LRRC4C: variants seen among roughly 807,000 people sequenced by gnomAD.
LRRC4C encodes leucine rich repeat containing 4C, also known as leucine-rich repeat-containing protein 4C.
LRRC4C carries 5 observed loss-of-function variants against 33.6 expected under a neutral mutation model. The observed-to-expected ratio is 0.15, with a 90% CI of 0.08 to 0.31. The LOEUF (loss-of-function observed/expected upper bound fraction) is 0.31. LRRC4C is among the 10% of genes least tolerant of loss of function. The pLI, the probability that LRRC4C is intolerant of heterozygous loss-of-function variation, is 1.00. For synonymous variants in LRRC4C, 329 were observed against 302.0 expected, an observed-to-expected ratio of 1.09 and a Z score of -0.93; for missense variants, 560 against 796.7, an observed-to-expected ratio of 0.70 and a Z score of 3.58.
chr11:40,698,180 A>G (rs1254276748), intron 2 of LRRC4C, among the ~76,000 whole-genome samples: 1 of 152,146 alleles, frequency 6.6e-6, no homozygotes, highest in Non-Finnish European at 1.5e-5. Context: ...GAACATTTAA[A>G]AATTGCTTTT....
chr11:40,858,836 A>G (rs1953935319), intron 2 of LRRC4C, among the ~76,000 whole-genome samples: 1 of 152,190 alleles, frequency 6.6e-6, no homozygotes, highest in Admixed American at 6.5e-5. Flanking sequence ...TCAACCAACA[A>G]AAGCCATTGT....
chr11:41,387,472 A>C (rs190017780), intron 1 of LRRC4C, among the ~76,000 whole-genome samples: 1 of 151,846 alleles, frequency 6.6e-6, no homozygotes, highest in Admixed American at 6.6e-5. Context: ...GAGAAGTCCA[A>C]GAAGAAAATA....
chr11:40,600,373 A>G (rs765065575), intron 3 of LRRC4C, among the ~76,000 whole-genome samples: 38 of 152,218 alleles, frequency 2.5e-4, no homozygotes, highest in Admixed American at 2.6e-4. Context: ...CAAAGTAACA[A>G]ATGAATTGTA....
chr11:40,201,982 A>G lies in LRRC4C; in HGVS notation c.-96+39537T>C, dbSNP rs115435133. The stretch of plus-strand genomic sequence containing the variant: ...GCCAAATTAACATATAATTTTGGCT[A>G]GAGACCCAAGGTGTTAGAATCACAA... On this transcript the variant is annotated intron_variant, in intron 5 of 6. Coordinates refer to ENST00000528697, the MANE Select transcript of LRRC4C (RefSeq NM_001258419.2). 2.4e-3 allele frequency among the ~76,000 whole-genome samples: 371 copies of G among 152,282 alleles called. 1 individual carries two copies. Among genetic ancestry groups the G allele is most frequent in the African/African-American group, 8.6e-3 (358 of 41,558 alleles).
chr11:40,175,046 C>T (rs950245349), intron 5 of LRRC4C, among the ~76,000 whole-genome samples: 1 of 152,164 alleles, frequency 6.6e-6, no homozygotes, highest in African/African-American at 2.4e-5. Flanking sequence ...GAAAGAGAGA[C>T]TACATGAATA....
Position 40,200,180 on chromosome 11 carries a change from T to TA in LRRC4C, c.-96+41338dup, listed in dbSNP as rs56269292. On this transcript the variant is annotated intron_variant, in intron 5 of 6. Transcript: ENST00000528697. ...CAAAATGGAGAAAGCCTGTCTCCAC[T>TA]AAAAAAAAAAAAAAAAAAAAAAAAA... 8.3e-3 allele frequency among the ~76,000 whole-genome samples: 217 copies of TA among 26,044 alleles called. 19 individuals carry two copies. The highest frequency in any genetic ancestry group is 0.015 in the African/African-American group (109 of 7,284). The allele number at this position is 26,044 out of a possible 152,430, so 17.1% of individuals were successfully genotyped here. A position where few individuals can be genotyped will look rare whatever the true frequency, so the allele number is the denominator to read the frequency against.
chr11:40,488,119 C>G (rs1050997112), intron 3 of LRRC4C, among the ~76,000 whole-genome samples: 1 of 152,050 alleles, frequency 6.6e-6, no homozygotes, highest in Non-Finnish European at 1.5e-5. Context: ...TAACACATGA[C>G]CAGGGAGCTG....
chr11:40,885,648 T>C (rs753594764), intron 2 of LRRC4C, among the ~76,000 whole-genome samples: 36 of 152,194 alleles, frequency 2.4e-4, no homozygotes, highest in Non-Finnish European at 4.4e-4. Flanking sequence ...GAGACACAGG[T>C]ATCGTACTGA....
chr11:40,838,457 A>T (rs1565118923), intron 2 of LRRC4C, among the ~76,000 whole-genome samples: 2 of 152,142 alleles, frequency 1.3e-5, no homozygotes, highest in Non-Finnish European at 2.9e-5. Context: ...AGCGGTTACC[A>T]CCTGGAATCT....
At chr11:41,057,896 G>A (rs997636750) in intron 1 of LRRC4C, among the ~76,000 whole-genome samples, 3 of 152,142 alleles carry the variant, frequency 2.0e-5, no homozygotes, top group African/African-American at 4.8e-5. Context: ...TCTCTGCTAG[G>A]AGCCGAACAC....
chr11:40,192,973 C>T (rs906313934), intron 5 of LRRC4C, among the ~76,000 whole-genome samples: 1 of 152,182 alleles, frequency 6.6e-6, no homozygotes, highest in African/African-American at 2.4e-5. Context: ...ATAGATAAAA[C>T]TGCCATCTCC....
intron 3 of LRRC4C, among the ~76,000 whole-genome samples, chr11:40,397,981 A>C (rs1237275730): frequency 6.6e-6 from 1 of 152,086 alleles, no homozygotes. Flanking sequence ...ATGATGCAAT[A>C]ATTATTATAT....
At chr11:40,739,012 T>C (rs967109985) in intron 2 of LRRC4C, among the ~76,000 whole-genome samples, 39 of 117,048 alleles carry the variant, frequency 3.3e-4, no homozygotes, top group African/African-American at 1.3e-3. Flanking sequence ...TGCTATTGTG[T>C]GTGTGTGTGT....
intron 2 of LRRC4C, among the ~76,000 whole-genome samples, chr11:40,900,664 A>G (rs1216052398): frequency 1.3e-5 from 2 of 151,860 alleles, no homozygotes; most frequent in Non-Finnish European, 2.9e-5. Context: ...CTATATCAAT[A>G]TCAACACCAA....
At chr11:40,402,628 C>A (rs527721136) in intron 3 of LRRC4C, among the ~76,000 whole-genome samples, 4 of 152,156 alleles carry the variant, frequency 2.6e-5, no homozygotes, top group African/African-American at 9.6e-5. Flanking sequence ...ACAGTTTGTT[C>A]ATTTCTATAT....
At chr11:40,889,286 T>A (rs554080955) in intron 2 of LRRC4C, among the ~76,000 whole-genome samples, 2 of 152,100 alleles carry the variant, frequency 1.3e-5, no homozygotes, top group African/African-American at 4.8e-5. Context: ...ATATACTGTT[T>A]AATGTGAATT....
chr11:40,819,614 T>C (rs1951841977), intron 2 of LRRC4C, among the ~76,000 whole-genome samples: 1 of 152,092 alleles, frequency 6.6e-6, no homozygotes, highest in Admixed American at 6.6e-5. Context: ...AGTTAAAAAT[T>C]AGGAGCTTCT....
intron 1 of LRRC4C, among the ~76,000 whole-genome samples, chr11:41,208,689 C>T (rs1459468848): frequency 6.6e-6 from 1 of 152,214 alleles, no homozygotes; most frequent in Non-Finnish European, 1.5e-5. Flanking sequence ...ATGTGCTTCT[C>T]TACAAGAAAA....
At chr11:41,176,238 A>G (rs1172123531) in intron 1 of LRRC4C, among the ~76,000 whole-genome samples, 1 of 152,200 alleles carries the variant, frequency 6.6e-6, no homozygotes, top group Non-Finnish European at 1.5e-5. Context: ...AACCTGGTTC[A>G]TTTTAGTAGA....
Sources: gnomAD v4.1 joint callset for allele counts (sites outside exome capture counted in the v4.1 genomes callset) on GRCh38, gnomAD v4.1.1 for gene constraint, MANE v1.5 for transcripts, NCBI Gene and HGNC (gene_info 2026-07-23, HGNC 2026-07-21) for gene names.